The following NRCAM variants were observed in gnomAD, a reference collection of about 807,000 sequenced individuals.
NRCAM encodes neuronal cell adhesion molecule.
In NRCAM, 83 loss-of-function variants were observed where a neutral mutation model predicts 156.5. The ratio of observed to expected loss-of-function variants is 0.53; its 90% CI spans 0.44 to 0.64. The LOEUF is 0.64. NRCAM is among the 30% of genes least tolerant of loss of function. The pLI, the probability that NRCAM is intolerant of heterozygous loss-of-function variation, is 0.00. For missense variants in NRCAM, 1,417 were observed against 1,597.3 expected (o/e 0.89, Z 1.92); for synonymous variants, 538 against 563.9 (o/e 0.95, Z 0.65).
chr7:108,354,487 C>T (rs1163807317), intron 2 of NRCAM, among the ~76,000 whole-genome samples: 1 of 152,126 alleles, frequency 6.6e-6, no homozygotes, highest in East Asian at 1.9e-4. Context: ...GCAGTCAAAA[C>T]CATAAATATT....
chr7:108,274,487 T>C (rs1337247722), intron 3 of NRCAM, among the ~76,000 whole-genome samples: 2 of 152,230 alleles, frequency 1.3e-5, no homozygotes, highest in Non-Finnish European at 2.9e-5. Flanking sequence ...AGGTATTTTA[T>C]TCTCTTTGTA....
chr7:108,375,311 T>C (rs2099670022), intron 2 of NRCAM, among the ~76,000 whole-genome samples: 2 of 151,524 alleles, frequency 1.3e-5, no homozygotes, highest in Non-Finnish European at 2.9e-5. Flanking sequence ...AAAGCACCAC[T>C]CTCTCCCCCA....
chr7:108,166,549 G>C lies in NRCAM; in HGVS notation c.3466+372C>G, dbSNP rs1165767951. On this transcript the variant is annotated intron_variant, in intron 30 of 32. Transcript: ENST00000379028. ...AGGCGTGAGCTACCGCGCCCGGCCA[G>C]AATTGTGACTTTCTTATAAGTTCTT... is the stretch of plus-strand genomic sequence containing the variant. Among the ~76,000 whole-genome samples the C allele has an allele frequency of 3.3e-5, 5 of 152,142 alleles. No homozygotes were observed. In the South Asian group the frequency reaches 8.3e-4, roughly 25 times the overall value.
chr7:108,191,582 G>A, intron 18 of NRCAM, 147 bp downstream of exon 18: 2 of 970,402 alleles, frequency 2.1e-6, no homozygotes, highest in Non-Finnish European at 1.5e-6. Context: ...TTGCCTCCAA[G>A]GCATCTTTCA....
chr7:108,365,808 T>C (rs1401337999), intron 2 of NRCAM, among the ~76,000 whole-genome samples: 6 of 149,882 alleles, frequency 4.0e-5, no homozygotes, highest in South Asian at 4.2e-4. Context: ...ATATGCCTTT[T>C]TGGTTATTTG....
chr7:108,268,637 G>GGT (rs2097209079), intron 3 of NRCAM, among the ~76,000 whole-genome samples: 1 of 48,590 alleles, frequency 2.1e-5, no homozygotes, highest in African/African-American at 8.5e-5. Context: ...GGGGGGGGTT[G>GGT]GGGGGGGCGG....
intron 15 of NRCAM, among the ~76,000 whole-genome samples, chr7:108,194,863 C>T (rs2074055370): frequency 6.6e-6 from 1 of 152,156 alleles, no homozygotes; most frequent in African/African-American, 2.4e-5. Context: ...AGCCATTGCT[C>T]ATCCATCCTA....
At chr7:108,382,720 G>T (rs12673676) in intron 2 of NRCAM, among the ~76,000 whole-genome samples, 28,924 of 152,062 alleles carry the variant, frequency 0.19, 3,477 homozygotes, top group East Asian at 0.48. Flanking sequence ...GCAAGGACAG[G>T]AACAGCAGGC....
At chr7:108,158,844 A>T (rs886186149) in intron 32 of NRCAM, among the ~76,000 whole-genome samples, 13 of 152,296 alleles carry the variant, frequency 8.5e-5, no homozygotes, top group African/African-American at 1.4e-4. Context: ...GAAGATTTTT[A>T]AAAAATTTAG....
intron 3 of NRCAM, among the ~76,000 whole-genome samples, chr7:108,300,447 T>A (rs1474084050): frequency 6.6e-6 from 1 of 152,158 alleles, no homozygotes; most frequent in African/African-American, 2.4e-5. Context: ...GGTCATTATG[T>A]CATGCATACA....
chr7:108,343,077 C>G (rs1563348286), intron 2 of NRCAM, among the ~76,000 whole-genome samples: 1 of 152,192 alleles, frequency 6.6e-6, no homozygotes. Context: ...CCGACCTCAA[C>G]TTGTATACTG....
intron 2 of NRCAM, among the ~76,000 whole-genome samples, chr7:108,332,878 T>G (rs2099141187): frequency 1.3e-5 from 2 of 151,882 alleles, no homozygotes; most frequent in South Asian, 4.2e-4. Flanking sequence ...GAATAGACAA[T>G]GTAATAATAA....
intron 2 of NRCAM, among the ~76,000 whole-genome samples, chr7:108,316,319 G>C (rs1201822045): frequency 6.6e-6 from 1 of 152,170 alleles, no homozygotes; most frequent in Non-Finnish European, 1.5e-5. Context: ...GCCCTCACCA[G>C]ATGCAGGCCT....
At chr7:108,224,349 T>C (rs2153692745) in intron 10 of NRCAM, among the ~76,000 whole-genome samples, 1 of 152,216 alleles carries the variant, frequency 6.6e-6, no homozygotes, top group Middle Eastern at 3.4e-3. Flanking sequence ...ATCCTCAAAC[T>C]GTGAGGTTTA....
At chr7:108,304,957 G>T (rs1323459258) in intron 3 of NRCAM, among the ~76,000 whole-genome samples, 6 of 152,222 alleles carry the variant, frequency 3.9e-5, no homozygotes, top group Non-Finnish European at 2.9e-5. Context: ...TGCTGAACTT[G>T]GAGATTGATC....
intron 7 of NRCAM, among the ~76,000 whole-genome samples, 153 bp downstream of exon 7, chr7:108,232,173 T>C (rs2094422425): frequency 6.6e-6 from 1 of 152,028 alleles, no homozygotes; most frequent in Admixed American, 6.5e-5. Flanking sequence ...TAGGGTAAGG[T>C]GGAAAGGAGC....
intron 2 of NRCAM, among the ~76,000 whole-genome samples, chr7:108,327,503 G>A (rs907801111): frequency 2.0e-5 from 3 of 152,104 alleles, no homozygotes; most frequent in Admixed American, 2.0e-4. Context: ...CAGATAATGA[G>A]TATTTTCAGG....
At chr7:108,432,963 G>A (rs1827575646) in intron 1 of NRCAM, among the ~76,000 whole-genome samples, 1 of 151,364 alleles carries the variant, frequency 6.6e-6, no homozygotes, top group Non-Finnish European at 1.5e-5. Context: ...GGAGAAGGAG[G>A]AGAAAGAGAA....
chr7:108,403,934 G>A (rs552183315), intron 1 of NRCAM, among the ~76,000 whole-genome samples: 4 of 152,210 alleles, frequency 2.6e-5, no homozygotes, highest in South Asian at 2.1e-4. Context: ...TCAGCCTCAC[G>A]GGATCTCTCC....
Sources: allele counts gnomAD v4.1 joint callset (sites outside exome capture counted in the v4.1 genomes callset), GRCh38; gene constraint gnomAD v4.1.1; transcripts MANE v1.5; gene names NCBI Gene and HGNC (gene_info 2026-07-23, HGNC 2026-07-21).